Variants in ZRANB3 observed in about 807,000 individuals in gnomAD.
The protein encoded by ZRANB3 is zinc finger RANBP2-type containing 3.
A neutral mutation model predicts 133.8 loss-of-function variants in ZRANB3; 125 were observed. The observed-to-expected ratio is 0.93, with a 90% CI of 0.81 to 1.08. The LOEUF (loss-of-function observed/expected upper bound fraction) is 1.08. ZRANB3 is among the 50% of genes least tolerant of loss of function. The pLI is 0.00. For missense variants in ZRANB3, 1,229 were observed against 1,275.5 expected (o/e 0.96, Z 0.56); for synonymous variants, 387 against 432.7 (o/e 0.89, Z 1.31).
At chr2:135,417,861 CA>C (rs1365200389) in intron 2 of ZRANB3, among the ~76,000 whole-genome samples, 22 of 151,978 alleles carry the variant, frequency 1.4e-4, no homozygotes, top group African/African-American at 5.1e-4. Context: ...ATCGCAAGGA[CA>C]AAAAACTGAA....
At chr2:135,356,143 A>T (rs541570391) in intron 3 of ZRANB3, among the ~76,000 whole-genome samples, 2 of 152,192 alleles carry the variant, frequency 1.3e-5, no homozygotes, top group East Asian at 3.9e-4. Context: ...TAGAATTGGG[A>T]CTTGAAACAA....
At chr2:135,294,442 T>A (rs193148322) in intron 8 of ZRANB3, among the ~76,000 whole-genome samples, 9,409 of 152,198 alleles carry the variant, frequency 0.062, 566 homozygotes, top group African/African-American at 0.16. Context: ...GGCGGTGATA[T>A]CCCCTTTGTC....
At chr2:135,400,819 G>A (rs1177313092) in intron 2 of ZRANB3, among the ~76,000 whole-genome samples, 3 of 152,192 alleles carry the variant, frequency 2.0e-5, no homozygotes, top group African/African-American at 7.2e-5. Context: ...TGAATGAGCA[G>A]GGTTGTGTTC....
At chr2:135,327,955 T>C (rs1683919391) in intron 6 of ZRANB3, among the ~76,000 whole-genome samples, 2 of 152,158 alleles carry the variant, frequency 1.3e-5, no homozygotes, top group African/African-American at 2.4e-5. Context: ...TTATATAAAA[T>C]TGCTTATCAA....
At chr2:135,484,038 G>A (rs1020494032) in intron 2 of ZRANB3, among the ~76,000 whole-genome samples, 1 of 151,978 alleles carries the variant, frequency 6.6e-6, no homozygotes, top group Admixed American at 6.6e-5. Context: ...CCAAGTATGT[G>A]GTCAATTTTG....
intron 2 of ZRANB3, among the ~76,000 whole-genome samples, chr2:135,435,100 C>T (rs901990980): frequency 4.6e-5 from 7 of 151,896 alleles, no homozygotes; most frequent in African/African-American, 1.5e-4. Context: ...CATATTAAGC[C>T]TAGTACTCAA....
intron 3 of ZRANB3, among the ~76,000 whole-genome samples, chr2:135,375,456 C>T (rs988051039): frequency 6.6e-6 from 1 of 152,020 alleles, no homozygotes; most frequent in Admixed American, 6.6e-5. Flanking sequence ...GAGGCCAAGG[C>T]GGGCAGATCA....
At chr2:135,336,298 T>A (rs1315227390) in intron 6 of ZRANB3, among the ~76,000 whole-genome samples, 1 of 152,228 alleles carries the variant, frequency 6.6e-6, no homozygotes, top group Non-Finnish European at 1.5e-5. Context: ...AAAATTATAT[T>A]TTTGCTGAAG....
chr2:135,390,541 G>A (rs1357659611), intron 3 of ZRANB3, among the ~76,000 whole-genome samples: 1 of 152,034 alleles, frequency 6.6e-6, no homozygotes, highest in Non-Finnish European at 1.5e-5. Context: ...ACTCATTCAT[G>A]CATCCTAGGT....
chr2:135,508,142 G>GT (rs901765200), intron 1 of ZRANB3, among the ~76,000 whole-genome samples: 1 of 151,380 alleles, frequency 6.6e-6, no homozygotes, highest in Non-Finnish European at 1.5e-5. Flanking sequence ...TTTGTTTTTT[G>GT]TTTTTTTTCT....
At chr2:135,495,343 T>C (rs536962017) in intron 2 of ZRANB3, among the ~76,000 whole-genome samples, 3 of 152,350 alleles carry the variant, frequency 2.0e-5, no homozygotes, top group Admixed American at 6.5e-5. Context: ...TACTATATTA[T>C]AGTATTGCAT....
intron 8 of ZRANB3, among the ~76,000 whole-genome samples, chr2:135,277,165 T>C (rs2105128073): frequency 6.6e-6 from 1 of 152,248 alleles, no homozygotes; most frequent in East Asian, 1.9e-4. Context: ...TCCCCTATAC[T>C]TCCCAAAACA....
intron 2 of ZRANB3, among the ~76,000 whole-genome samples, chr2:135,442,482 A>G (rs1387771170): frequency 6.6e-6 from 1 of 152,252 alleles, no homozygotes; most frequent in Admixed American, 6.5e-5. Flanking sequence ...AACGCAAATC[A>G]AAACCACAGT....
chr2:135,212,348 A>G (rs1004642145), intron 17 of ZRANB3, among the ~76,000 whole-genome samples: 1 of 152,194 alleles, frequency 6.6e-6, no homozygotes, highest in Non-Finnish European at 1.5e-5. Flanking sequence ...ATTTCTGTGA[A>G]TTCTAAATGA....
intron 3 of ZRANB3, among the ~76,000 whole-genome samples, chr2:135,383,761 T>C (rs1686832590): frequency 6.6e-6 from 1 of 152,004 alleles, no homozygotes; most frequent in Non-Finnish European, 1.5e-5. Context: ...CATAATGAAA[T>C]GAAGGCAGAA....
At chr2:135,448,409 A>C (rs1202880387) in intron 2 of ZRANB3, among the ~76,000 whole-genome samples, 1 of 152,224 alleles carries the variant, frequency 6.6e-6, no homozygotes. Context: ...CTTCAATCAC[A>C]TCAATCTGGA....
At chr2:135,492,879 G>A (rs377379738) in intron 2 of ZRANB3, among the ~76,000 whole-genome samples, 1 of 151,304 alleles carries the variant, frequency 6.6e-6, no homozygotes, top group Non-Finnish European at 1.5e-5. Context: ...AATGGAAGAA[G>A]GGTGACAATA....
intron 8 of ZRANB3, among the ~76,000 whole-genome samples, chr2:135,291,054 G>T (rs184110983): frequency 3.3e-4 from 50 of 152,176 alleles, no homozygotes; most frequent in African/African-American, 1.1e-3. Flanking sequence ...TAGAGATGGG[G>T]TTTCACCATG....
chr2:135,313,886 CAG>C (rs1490627362), intron 7 of ZRANB3, among the ~76,000 whole-genome samples: 9 of 151,984 alleles, frequency 5.9e-5, no homozygotes, highest in Non-Finnish European at 1.0e-4. Context: ...TTTTTTGAGA[CAG>C]AGTCTCGCTC....
Sources: gnomAD v4.1 joint callset for allele counts (sites outside exome capture counted in the v4.1 genomes callset) on GRCh38, gnomAD v4.1.1 for gene constraint, MANE v1.5 for transcripts, NCBI Gene and HGNC (gene_info 2026-07-23, HGNC 2026-07-21) for gene names.